SYT1: variants seen among roughly 807,000 people sequenced by gnomAD.
The protein encoded by SYT1 is synaptotagmin 1, also known as synaptotagmin-1.
Under a neutral mutation model 44.8 loss-of-function variants are expected in SYT1, and 8 were observed. The observed-to-expected ratio is 0.18, with a 90% confidence interval of 0.10 to 0.32. The LOEUF (loss-of-function observed/expected upper bound fraction) is 0.32, where lower values mean the gene tolerates loss of function less well. Among genes scored for constraint, SYT1 ranks in the 10% least tolerant of loss-of-function variants. SYT1 has a pLI of 1.00. For missense variants in SYT1, 286 were observed against 509.3 expected, an observed-to-expected ratio of 0.56 and a Z score of 4.22; for synonymous variants, 154 against 188.8, an observed-to-expected ratio of 0.82 and a Z score of 1.51.
At chr12:78,982,143 G>GA (rs1156944521) in intron 2 of SYT1, among the ~76,000 whole-genome samples, 5 of 152,110 alleles carry the variant, frequency 3.3e-5, no homozygotes, top group Admixed American at 2.6e-4. Flanking sequence ...CATTCAAAGT[G>GA]AAGAAAAACT....
intron 8 of SYT1, among the ~76,000 whole-genome samples, chr12:79,308,211 G>A (rs1052038283): frequency 2.6e-5 from 4 of 152,200 alleles, no homozygotes; most frequent in Non-Finnish European, 5.9e-5. Context: ...AGAGTGCACA[G>A]TGCCAAGAAA....
intron 1 of SYT1, among the ~76,000 whole-genome samples, chr12:78,928,941 T>C (rs1448772861): frequency 1.3e-5 from 2 of 152,144 alleles, no homozygotes; most frequent in Admixed American, 6.6e-5. Context: ...TTACATAAGA[T>C]ATACAGCATA....
chr12:79,276,229 G>A (rs761331311), intron 4 of SYT1, among the ~76,000 whole-genome samples: 11 of 151,884 alleles, frequency 7.2e-5, no homozygotes, highest in Non-Finnish European at 1.2e-4. Flanking sequence ...GAAATCTTTG[G>A]AATACCAGAT....
intron 8 of SYT1, among the ~76,000 whole-genome samples, chr12:79,303,815 G>C (rs1880262820): frequency 6.6e-6 from 1 of 152,126 alleles, no homozygotes; most frequent in African/African-American, 2.4e-5. Flanking sequence ...CTTGGAATGA[G>C]TTAAAGTCAT....
chr12:79,069,429 A>G (rs1410174631), intron 3 of SYT1, among the ~76,000 whole-genome samples: 6 of 151,950 alleles, frequency 3.9e-5, no homozygotes, highest in Non-Finnish European at 5.9e-5. Flanking sequence ...ATATTCACAG[A>G]CTTTTTCAGA....
chr12:78,896,845 G>C (rs113023436), intron 1 of SYT1, among the ~76,000 whole-genome samples: 1 of 151,552 alleles, frequency 6.6e-6, no homozygotes, highest in South Asian at 2.1e-4. Context: ...TTTACTTTAC[G>C]ATTTCTATAT....
At chr12:79,294,993 G>A (rs1879810170) in intron 6 of SYT1, among the ~76,000 whole-genome samples, 1 of 151,982 alleles carries the variant, frequency 6.6e-6, no homozygotes, top group Admixed American at 6.6e-5. Context: ...ATGCACTTAA[G>A]TACACGGTGG....
chr12:78,973,871 T>C (rs1251296758), intron 1 of SYT1, among the ~76,000 whole-genome samples: 34 of 135,002 alleles, frequency 2.5e-4, no homozygotes, highest in African/African-American at 9.1e-4. Context: ...TTAACTCTTG[T>C]AGATTTTCAA....
intron 2 of SYT1, among the ~76,000 whole-genome samples, chr12:79,038,047 A>G (rs1301329465): frequency 6.6e-6 from 1 of 151,414 alleles, no homozygotes; most frequent in African/African-American, 2.4e-5. Context: ...TTAAGTTCTC[A>G]CAAAAAGCTG....
At chr12:79,126,938 A>G (rs920787197) in intron 3 of SYT1, among the ~76,000 whole-genome samples, 7 of 152,130 alleles carry the variant, frequency 4.6e-5, no homozygotes, top group African/African-American at 1.7e-4. Context: ...CTTGTTTCCA[A>G]TTTTATGTCA....
intron 2 of SYT1, among the ~76,000 whole-genome samples, chr12:78,983,153 C>T (rs1422438105): frequency 6.6e-6 from 1 of 151,792 alleles, no homozygotes; most frequent in African/African-American, 2.4e-5. Flanking sequence ...CTGTTTTCAA[C>T]ATTGCCCTCA....
chr12:79,096,890 A>G (rs1878164436), intron 3 of SYT1, among the ~76,000 whole-genome samples: 1 of 152,022 alleles, frequency 6.6e-6, no homozygotes, highest in Non-Finnish European at 1.5e-5. Flanking sequence ...AGAGATTAAG[A>G]GGCTGGGAAA....
chr12:79,052,784 A>G (rs1874611736), intron 3 of SYT1, among the ~76,000 whole-genome samples: 1 of 152,208 alleles, frequency 6.6e-6, no homozygotes, highest in Admixed American at 6.5e-5. Flanking sequence ...CATCAGAGAA[A>G]TGCAAATCAA....
chr12:78,965,107 A>T (rs1879702623), intron 1 of SYT1, among the ~76,000 whole-genome samples: 1 of 152,152 alleles, frequency 6.6e-6, no homozygotes, highest in South Asian at 2.1e-4. Flanking sequence ...TAAGCTTTGT[A>T]AAATTTGTAA....
intron 3 of SYT1, among the ~76,000 whole-genome samples, chr12:79,097,359 G>A (rs1464489794): frequency 6.6e-6 from 1 of 151,972 alleles, no homozygotes; most frequent in Non-Finnish European, 1.5e-5. Flanking sequence ...CGGTACATAA[G>A]CATATATTCC....
At chr12:79,142,729 T>G (rs1869638439) in intron 3 of SYT1, among the ~76,000 whole-genome samples, 1 of 152,198 alleles carries the variant, frequency 6.6e-6, no homozygotes, top group Non-Finnish European at 1.5e-5. Flanking sequence ...GAGCAAAGAA[T>G]AAAATAGCTA....
At chr12:79,102,021 A>G (rs935055103) in intron 3 of SYT1, among the ~76,000 whole-genome samples, 1 of 152,126 alleles carries the variant, frequency 6.6e-6, no homozygotes, top group Non-Finnish European at 1.5e-5. Context: ...AAAATTACCT[A>G]TTCATAAGGG....
chr12:78,901,503 T>G (rs1565709016), intron 1 of SYT1, among the ~76,000 whole-genome samples: 1 of 152,168 alleles, frequency 6.6e-6, no homozygotes, highest in African/African-American at 2.4e-5. Context: ...AATTAACATT[T>G]CTGTCTTAGC....
intron 7 of SYT1, among the ~76,000 whole-genome samples, chr12:79,296,903 A>G (rs1170345916): frequency 7.6e-6 from 1 of 131,106 alleles, no homozygotes; most frequent in Non-Finnish European, 1.7e-5. Context: ...TTGGCTTGAA[A>G]TCATTCATTA....
Sources: gnomAD v4.1 joint callset for allele counts (sites outside exome capture counted in the v4.1 genomes callset) on GRCh38, gnomAD v4.1.1 for gene constraint, MANE v1.5 for transcripts, NCBI Gene and HGNC (gene_info 2026-07-23, HGNC 2026-07-21) for gene names.